The following NRK variants were observed in gnomAD, a reference collection of about 807,000 sequenced individuals.
NRK encodes nik-related protein kinase.
NRK carries 67 observed loss-of-function variants against 125.2 expected under a neutral mutation model. That is an observed-to-expected ratio of 0.54 (90% CI 0.44 to 0.66). The LOEUF is 0.66. Among genes scored for constraint, NRK ranks in the 30% least tolerant of loss-of-function variants. The pLI, the probability that NRK is intolerant of heterozygous loss-of-function variation, is 0.00. For missense variants in NRK, 1,224 were observed against 1,192.9 expected (o/e 1.03, Z -0.38); for synonymous variants, 458 against 429.0 (o/e 1.07, Z -0.84).
chrX:105,849,096 T>G (rs2039437298), intron 2 of NRK, among the ~76,000 whole-genome samples: 1 of 111,278 alleles, frequency 9.0e-6, no homozygotes, highest in Non-Finnish European at 1.9e-5. Flanking sequence ...CACCCAAGAT[T>G]GGGAAGAAAA....
chrX:105,938,258 G>A (rs2040691344), intron 22 of NRK, among the ~76,000 whole-genome samples: 1 of 111,482 alleles, frequency 9.0e-6, no homozygotes, highest in African/African-American at 3.2e-5. Context: ...AATATGGTTT[G>A]TCTATGTGAA....
intron 2 of NRK, among the ~76,000 whole-genome samples, chrX:105,860,563 C>T (rs1452727845): frequency 9.1e-6 from 1 of 110,268 alleles, no homozygotes; most frequent in African/African-American, 3.3e-5. Flanking sequence ...CAGTCATCCC[C>T]CAGGCCCCCT....
chrX:105,896,183 C>T (rs2040080291), intron 7 of NRK, among the ~76,000 whole-genome samples: 1 of 111,620 alleles, frequency 9.0e-6, no homozygotes, highest in Non-Finnish European at 1.9e-5. Flanking sequence ...ATATATTGTA[C>T]CCTTTAATGT....
Position 105,842,299 on chromosome X carries a change from CT to C in NRK, c.123+11183del, listed in dbSNP as rs2039340611. Among the ~76,000 whole-genome samples the C allele has an allele frequency of 2.7e-5, 3 of 111,127 alleles. No homozygotes were observed. The Admixed American group carries it at 2.9e-4, about 11-fold the overall frequency. On this transcript the variant is annotated intron_variant, in intron 2 of 28. Transcript: ENST00000243300. ...AAATGGATGTGGACAAGCAGATAGT[CT>C]TTACAGGATACTCAAAGCTGATGAC...
chrX:105,822,761 C>A lies in NRK; in HGVS notation c.-85C>A. The A allele has an allele frequency of 1.1e-6, 1 of 902,053 alleles. No homozygotes were observed. 74.3% of individuals were successfully genotyped at this position (902,053 alleles called of 1,213,427 possible). A position where few individuals can be genotyped will look rare whatever the true frequency, so the allele number is the denominator to read the frequency against. On this transcript the variant is annotated 5_prime_UTR_variant, in exon 1 of 29. Transcript: ENST00000243300. ...CTCCCGCCCTCCTCCTTCCTCTCTCCTCCCTTCAACTCTTCATCCGCTTCC... is the reference window on the plus strand; with the variant it reads ...CTCCCGCCCTCCTCCTTCCTCTCTCATCCCTTCAACTCTTCATCCGCTTCC...
intron 1 of NRK, among the ~76,000 whole-genome samples, chrX:105,824,766 G>A (rs1208340715): frequency 2.7e-5 from 3 of 111,261 alleles, no homozygotes; most frequent in Non-Finnish European, 5.6e-5. Context: ...TTTCCTGGAG[G>A]TTGGTGGAGT....
At chrX:105,858,777 G>A (rs764639477) in intron 2 of NRK, among the ~76,000 whole-genome samples, 2 of 111,221 alleles carry the variant, frequency 1.8e-5, no homozygotes, top group Non-Finnish European at 3.8e-5. Context: ...AATGGATAAT[G>A]TCATGTGAAA....
chrX:105,889,019 G>A (rs771352719), intron 5 of NRK, among the ~76,000 whole-genome samples: 30 of 111,781 alleles, frequency 2.7e-4, no homozygotes, highest in African/African-American at 8.5e-4. Flanking sequence ...ACTCATTTCA[G>A]CATTAACTCA....
At chrX:105,949,787 T>C in intron 27 of NRK, 53 bp downstream of exon 27, 1 of 815,113 alleles carries the variant, frequency 1.2e-6, no homozygotes. Context: ...TTTACAAGGG[T>C]AAAAAAGTGT....
intron 5 of NRK, among the ~76,000 whole-genome samples, chrX:105,890,490 G>A (rs961809397): frequency 3.0e-4 from 34 of 112,042 alleles, no homozygotes; most frequent in African/African-American, 8.8e-4. Flanking sequence ...CACGCTGCTC[G>A]TAAAGACATA....
intron 26 of NRK, 57 bp from the exon 27 acceptor site, chrX:105,949,518 T>C: frequency 1.0e-6 from 1 of 980,989 alleles, no homozygotes; most frequent in Non-Finnish European, 1.4e-6. Flanking sequence ...GCTGCTTCGA[T>C]TAAAGTAGTA....
chrX:105,846,949 A>G (rs776330141), intron 2 of NRK, among the ~76,000 whole-genome samples: 29 of 111,841 alleles, frequency 2.6e-4, no homozygotes, highest in Non-Finnish European at 3.9e-4. Context: ...GTTTTTATCA[A>G]TGTTATTCTC....
chrX:105,830,396 C>T (rs1413973301), intron 1 of NRK, among the ~76,000 whole-genome samples: 2 of 95,319 alleles, frequency 2.1e-5, no homozygotes, highest in African/African-American at 7.8e-5. Flanking sequence ...GAACTTATTT[C>T]TATTTTATCT....
upstream of NRK, among the ~76,000 whole-genome samples, chrX:105,822,371 G>C (rs2039032134): frequency 8.9e-6 from 1 of 111,940 alleles, no homozygotes; most frequent in African/African-American, 3.2e-5. Flanking sequence ...AACCGTTATA[G>C]TCCTTCAGCA....
At chrX:105,944,068 T>C in intron 24 of NRK, 27 bp downstream of exon 24, 1 of 810,976 alleles carries the variant, frequency 1.2e-6, no homozygotes, top group Non-Finnish European at 1.8e-6. Context: ...TTCTTTGGAT[T>C]ATATGATTTT....
intron 19 of NRK, among the ~76,000 whole-genome samples, chrX:105,926,155 A>AT (rs2040521044): frequency 9.0e-6 from 1 of 111,549 alleles, no homozygotes; most frequent in South Asian, 3.8e-4. Flanking sequence ...AGGATGAGAT[A>AT]ATATCTCATT....
intron 4 of NRK, among the ~76,000 whole-genome samples, chrX:105,883,143 G>A: frequency 8.9e-6 from 1 of 112,126 alleles, no homozygotes; most frequent in Non-Finnish European, 1.9e-5. Context: ...CACTTGGTCT[G>A]ATGGATATAA....
At chrX:105,859,293 G>A (rs2039571490) in intron 2 of NRK, among the ~76,000 whole-genome samples, 1 of 111,291 alleles carries the variant, frequency 9.0e-6, no homozygotes, top group Non-Finnish European at 1.9e-5. Flanking sequence ...CCACTTCCAA[G>A]CACAAACAGA....
Position 105,822,693 on chromosome X carries a change from C to T in NRK, c.-153C>T, listed in dbSNP as rs2039036743. 3.6e-6 allele frequency: 2 copies of T among 560,665 alleles called. No homozygotes were observed. Among genetic ancestry groups the T allele is most frequent in the Admixed American group, 2.7e-5 (1 of 36,615 alleles). The allele number at this position is 560,665 out of a possible 1,213,427, so 46.2% of individuals were successfully genotyped here. ...ACTCTTTTCACTACACGTTTCCCCT[C>T]CTCTATCTCCCACGCCACGAACCCC... On this transcript the variant is annotated 5_prime_UTR_variant, in exon 1 of 29. Transcript: ENST00000243300.
Sources: allele counts gnomAD v4.1 joint callset (sites outside exome capture counted in the v4.1 genomes callset), GRCh38; gene constraint gnomAD v4.1.1; transcripts MANE v1.5; gene names NCBI Gene and HGNC (gene_info 2026-07-23, HGNC 2026-07-21).